Variants in CASD1 observed in about 807,000 individuals in gnomAD.
CASD1 encodes CAS1 domain sialic acid O acetyltransferase 1, also known as N-acetylneuraminate (7)9-O-acetyltransferase.
In CASD1, 41 loss-of-function variants were observed where a neutral mutation model predicts 100.0. That is an observed-to-expected ratio of 0.41 (90% CI 0.32 to 0.53). The LOEUF is 0.53. Among genes scored for constraint, CASD1 ranks in the 20% least tolerant of loss-of-function variants. The pLI is 0.25. For synonymous variants in CASD1, 321 were observed against 315.6 expected, an observed-to-expected ratio of 1.02 and a Z score of -0.18; for missense variants, 774 against 948.7, an observed-to-expected ratio of 0.82 and a Z score of 2.42.
the CASD1 span, chr7:94,629,550 T>C: frequency 7.7e-6 from 5 of 650,046 alleles, no homozygotes; most frequent in Middle Eastern, 1.8e-3. Context: ...TATTTTTGTC[T>C]GTAATTAAAT....
At chr7:94,599,699 T>C in the CASD1 span, 1 of 1,609,690 alleles carries the variant, frequency 6.2e-7, no homozygotes, top group Non-Finnish European at 8.5e-7. Flanking sequence ...ACACTTACTC[T>C]GGTGTTTGCA....
the CASD1 span, among the ~76,000 whole-genome samples, chr7:94,611,611 T>G: frequency 6.6e-6 from 1 of 152,194 alleles, no homozygotes; most frequent in African/African-American, 2.4e-5. Context: ...AAGTCACGAT[T>G]TAAAATTGTA....
intron 4 of CASD1, 95 bp from the exon 5 acceptor site, chr7:94,528,093 T>C (rs1794664192): frequency 1.2e-6 from 1 of 864,100 alleles, no homozygotes. Flanking sequence ...TGTTTTACTT[T>C]TAAGTACTCT....
chr7:94,520,485 T>C (rs1271948117), intron 3 of CASD1, among the ~76,000 whole-genome samples: 23 of 152,180 alleles, frequency 1.5e-4, no homozygotes, highest in Non-Finnish European at 2.6e-4. Flanking sequence ...TCAAATAAAT[T>C]TGGGCAGAGC....
chr7:94,540,179 C>T (rs758423016), intron 10 of CASD1, among the ~76,000 whole-genome samples: 1 of 152,066 alleles, frequency 6.6e-6, no homozygotes, highest in African/African-American at 2.4e-5. Flanking sequence ...ACTTTTCACA[C>T]AAGTTTTTAT....
At chr7:94,544,342 T>C in intron 10 of CASD1, 69 bp from the exon 11 acceptor site, 1 of 1,546,384 alleles carries the variant, frequency 6.5e-7, no homozygotes, top group East Asian at 2.3e-5. Context: ...TTGTTAAATG[T>C]ACTTGTTATG....
At chr7:94,620,456 T>G in the CASD1 span, 1 of 152,310 alleles carries the variant, frequency 6.6e-6, no homozygotes, top group Middle Eastern at 3.4e-3. Context: ...AAATTTCGTT[T>G]TATAGACATA....
At chr7:94,585,346 AAGTT>A in the CASD1 span, 1 of 600,320 alleles carries the variant, frequency 1.7e-6, no homozygotes, top group Non-Finnish European at 2.9e-6. Context: ...AGTAAAATGA[AAGTT>A]ATGTTGTATT....
At chr7:94,605,589 G>A in the CASD1 span, among the ~76,000 whole-genome samples, 1 of 152,056 alleles carries the variant, frequency 6.6e-6, no homozygotes, top group Non-Finnish European at 1.5e-5. Flanking sequence ...AGGAAGTAGT[G>A]TAGTGTTATT....
At chr7:94,544,703 TA>T (rs1315928188) in intron 11 of CASD1, among the ~76,000 whole-genome samples, 173 bp downstream of exon 11, 2 of 152,100 alleles carry the variant, frequency 1.3e-5, no homozygotes, top group Non-Finnish European at 1.5e-5. Flanking sequence ...CAAGATAAAT[TA>T]TTAGTGAAAG....
the CASD1 span, among the ~76,000 whole-genome samples, chr7:94,602,388 GTAATATGTTCT>G: frequency 6.6e-6 from 1 of 152,160 alleles, no homozygotes; most frequent in African/African-American, 2.4e-5. Flanking sequence ...TGCAATGTGA[GTAATATGTTCT>G]CCAGGATGCA....
chr7:94,595,378 C>G, the CASD1 span, among the ~76,000 whole-genome samples: 3 of 152,018 alleles, frequency 2.0e-5, no homozygotes, highest in Non-Finnish European at 4.4e-5. Context: ...AAACCTTTAG[C>G]CATATCCATG....
At chr7:94,593,140 A>C in the CASD1 span, among the ~76,000 whole-genome samples, 638 of 152,258 alleles carry the variant, frequency 4.2e-3, 4 homozygotes, top group African/African-American at 0.014. Flanking sequence ...AAAATATTTA[A>C]ATAAAAGCTA....
downstream of CASD1, among the ~76,000 whole-genome samples, chr7:94,559,862 A>C (rs1796313072): frequency 1.3e-5 from 2 of 152,184 alleles, no homozygotes; most frequent in South Asian, 2.1e-4. Flanking sequence ...ATTCAAAGTA[A>C]AACTAAGAAA....
the CASD1 span, among the ~76,000 whole-genome samples, chr7:94,609,440 G>A: frequency 6.6e-6 from 1 of 152,188 alleles, no homozygotes; most frequent in Non-Finnish European, 1.5e-5. Context: ...GCTGAGGCAT[G>A]AGAATCACTT....
chr7:94,523,520 G>C lies in CASD1; in HGVS notation c.352-3642G>C, dbSNP rs191901814. On this transcript the variant is annotated intron_variant, in intron 3 of 17. Coordinates refer to ENST00000297273, the MANE Select transcript of CASD1 (RefSeq NM_022900.5). The stretch of plus-strand genomic sequence containing the variant: ...AGCAAATGTGGAAGATCTGTATGCA[G>C]AAAAGCCATAAAAATTTATTGGAAG... 4.6e-5 allele frequency among the ~76,000 whole-genome samples: 7 copies of C among 152,250 alleles called. No individual in the cohort carries two copies. In the East Asian group the frequency reaches 1.3e-3, roughly 29 times the overall value.
chr7:94,588,143 T>G, the CASD1 span: 276 of 1,134,370 alleles, frequency 2.4e-4, 1 homozygote, highest in Non-Finnish European at 2.8e-4. Context: ...TTGAAAGAAA[T>G]AAAGAAAGCA....
At chr7:94,576,475 G>T in the CASD1 span, among the ~76,000 whole-genome samples, 1 of 152,174 alleles carries the variant, frequency 6.6e-6, no homozygotes, top group African/African-American at 2.4e-5. Context: ...GTATGATTAA[G>T]CCCTTGGGCT....
the CASD1 span, chr7:94,620,992 T>A: frequency 6.6e-6 from 1 of 152,208 alleles, no homozygotes; most frequent in Non-Finnish European, 1.5e-5. Flanking sequence ...TCTGAGGCAC[T>A]AAACCCAATT....
Sources: allele counts gnomAD v4.1 joint callset (sites outside exome capture counted in the v4.1 genomes callset), GRCh38; gene constraint gnomAD v4.1.1; transcripts MANE v1.5; gene names NCBI Gene and HGNC (gene_info 2026-07-23, HGNC 2026-07-21).